Variants in MAP2K6 observed in about 807,000 individuals in gnomAD.
MAP2K6 encodes mitogen-activated protein kinase kinase 6.
In MAP2K6, 16 loss-of-function variants were observed where a neutral mutation model predicts 53.7. The ratio of observed to expected loss-of-function variants is 0.30; its 90% confidence interval spans 0.20 to 0.45. The LOEUF (loss-of-function observed/expected upper bound fraction) is 0.45, where lower values mean the gene tolerates loss of function less well. MAP2K6 is among the 20% of genes least tolerant of loss of function. The probability of loss-of-function intolerance (pLI) is 1.00; values close to 1 mark genes in which losing one functional copy is unlikely to be tolerated. For missense variants in MAP2K6, 204 were observed against 411.9 expected (o/e 0.50, Z 4.37); for synonymous variants, 132 against 143.1 (o/e 0.92, Z 0.55).
chr17:69,475,035 C>T (rs1020364821), intron 1 of MAP2K6, among the ~76,000 whole-genome samples: 2 of 152,100 alleles, frequency 1.3e-5, no homozygotes, highest in African/African-American at 4.8e-5. Context: ...AAAAGCTGTG[C>T]AGTCTTCTGA....
At chr17:69,483,767 A>C (rs983380457) in intron 1 of MAP2K6, among the ~76,000 whole-genome samples, 1 of 152,142 alleles carries the variant, frequency 6.6e-6, no homozygotes, top group African/African-American at 2.4e-5. Flanking sequence ...AATGGAATAG[A>C]ATCGAAAGTC....
At chr17:69,531,667 A>G (rs1313071628) in intron 10 of MAP2K6, among the ~76,000 whole-genome samples, 1 of 152,210 alleles carries the variant, frequency 6.6e-6, no homozygotes, top group Non-Finnish European at 1.5e-5. Flanking sequence ...AATTAACCAT[A>G]TGAACGTAAA....
intron 2 of MAP2K6, among the ~76,000 whole-genome samples, chr17:69,511,392 C>T (rs577041058): frequency 1.3e-5 from 2 of 152,270 alleles, no homozygotes; most frequent in Admixed American, 1.3e-4. Context: ...CCCATTCATA[C>T]CCTGCCTCCT....
intron 1 of MAP2K6, among the ~76,000 whole-genome samples, chr17:69,442,821 T>C (rs1034679729): frequency 6.6e-6 from 1 of 152,224 alleles, no homozygotes. Context: ...AGTTTCCCCA[T>C]CTGTAAAGTG....
At chr17:69,433,146 A>G (rs1906521025) in intron 1 of MAP2K6, 1 of 152,264 alleles carries the variant, frequency 6.6e-6, no homozygotes, top group Non-Finnish European at 1.5e-5. Flanking sequence ...GGCAAAATCT[A>G]AAGACAAGAC....
intron 11 of MAP2K6, among the ~76,000 whole-genome samples, chr17:69,539,823 G>A (rs1184956844): frequency 6.6e-6 from 1 of 152,140 alleles, no homozygotes; most frequent in Non-Finnish European, 1.5e-5. Flanking sequence ...ATGTCCAGAG[G>A]ATGTGGGAAA....
chr17:69,451,260 G>A (rs892907542), intron 1 of MAP2K6, among the ~76,000 whole-genome samples: 1 of 152,198 alleles, frequency 6.6e-6, no homozygotes, highest in Non-Finnish European at 1.5e-5. Flanking sequence ...GTTGCAAGCC[G>A]GTGGTAGCTG....
rs1338270582 is a variant in MAP2K6 at position 69,544,777 on chromosome 17, A to G, written c.*3024A>G. 6.6e-6 allele frequency: 1 copy of G among 152,224 alleles called. No homozygotes were observed. Among genetic ancestry groups the G allele is most frequent in the African/African-American group, 2.4e-5 (1 of 41,466 alleles). 9.4% of individuals were successfully genotyped at this position (152,224 alleles called of 1,614,324 possible). ...AGACTATTACCCTATGTTTGTACGT[A>G]TGAGTGAATATTGCCCACCAGAGTA... On this transcript the variant is annotated 3_prime_UTR_variant, in exon 12 of 12. Transcript: ENST00000590474.
intron 6 of MAP2K6, 111 bp from the exon 7 acceptor site, chr17:69,520,938 A>G (rs1910434011): frequency 2.5e-6 from 2 of 798,942 alleles, no homozygotes; most frequent in Admixed American, 2.5e-5. Context: ...ACTATTTGAG[A>G]AAATATCTCA....
intron 1 of MAP2K6, among the ~76,000 whole-genome samples, chr17:69,463,675 TACAC>T (rs955525407): frequency 6.6e-6 from 1 of 151,194 alleles, no homozygotes; most frequent in African/African-American, 2.4e-5. Flanking sequence ...TATATGTATA[TACAC>T]ACACACACAC....
chr17:69,475,835 CCT>C (rs1213397223), intron 1 of MAP2K6, among the ~76,000 whole-genome samples: 1 of 152,236 alleles, frequency 6.6e-6, no homozygotes, highest in East Asian at 1.9e-4. Context: ...ATGATGGTCC[CCT>C]GTCTCCTTTG....
At position 69,543,343 on chromosome 17, in the gene MAP2K6, A is replaced by G. The variant is rs1911736277; in HGVS notation, c.*1590A>G. The G allele has an allele frequency of 6.6e-6, 1 of 152,078 alleles. No homozygotes were observed. Among genetic ancestry groups the G allele is most frequent in the Non-Finnish European group, 1.5e-5 (1 of 68,018 alleles). The allele number at this position is 152,078 out of a possible 1,614,324, so 9.4% of individuals were successfully genotyped here. A position where few individuals can be genotyped will look rare whatever the true frequency, so the allele number is the denominator to read the frequency against. ...CTTCCCCTTTTAGATTTTGAAGTGC[A>G]ATCATATGTTTTTCTCTGTTTGCAT... On this transcript the variant is annotated 3_prime_UTR_variant, in exon 12 of 12. Coordinates refer to ENST00000590474, the MANE Select transcript of MAP2K6 (RefSeq NM_002758.4).
intron 1 of MAP2K6, among the ~76,000 whole-genome samples, chr17:69,472,344 C>T (rs1401931149): frequency 1.3e-5 from 2 of 152,120 alleles, no homozygotes; most frequent in Non-Finnish European, 2.9e-5. Flanking sequence ...ATTTGTAGTG[C>T]AGTAGGTCCT....
chr17:69,448,573 C>G (rs529723489), intron 1 of MAP2K6, among the ~76,000 whole-genome samples: 1 of 151,846 alleles, frequency 6.6e-6, no homozygotes. Context: ...GGCCAGGGCT[C>G]TTTTCATTCT....
At chr17:69,480,493 A>G (rs571353613) in intron 1 of MAP2K6, among the ~76,000 whole-genome samples, 6 of 152,228 alleles carry the variant, frequency 3.9e-5, no homozygotes, top group Non-Finnish European at 8.8e-5. Context: ...AATATGTTCA[A>G]CTGCAGAGAA....
intron 1 of MAP2K6, among the ~76,000 whole-genome samples, chr17:69,463,908 A>G (rs1907712981): frequency 6.7e-6 from 1 of 150,174 alleles, no homozygotes; most frequent in African/African-American, 2.4e-5. Context: ...AATCCCAGCT[A>G]CTCTGGGGGC....
chr17:69,473,954 T>C (rs1464605172), intron 1 of MAP2K6, among the ~76,000 whole-genome samples: 1 of 152,226 alleles, frequency 6.6e-6, no homozygotes, highest in Non-Finnish European at 1.5e-5. Context: ...CAAAATAGAC[T>C]AGTGAGTCAC....
chr17:69,484,086 A>G (rs1398014146), intron 1 of MAP2K6, among the ~76,000 whole-genome samples: 1 of 152,138 alleles, frequency 6.6e-6, no homozygotes, highest in Non-Finnish European at 1.5e-5. Context: ...AAAGATAGGT[A>G]AGTTAGATTT....
At chr17:69,474,078 C>G (rs1383654159) in intron 1 of MAP2K6, among the ~76,000 whole-genome samples, 1 of 152,184 alleles carries the variant, frequency 6.6e-6, no homozygotes, top group East Asian at 1.9e-4. Context: ...AGCCAAATGG[C>G]TATTGCTTAA....
Sources: allele counts gnomAD v4.1 joint callset (sites outside exome capture counted in the v4.1 genomes callset), GRCh38; gene constraint gnomAD v4.1.1; transcripts MANE v1.5; gene names NCBI Gene and HGNC (gene_info 2026-07-23, HGNC 2026-07-21).